PLA2G2E: variants seen among roughly 807,000 people sequenced by gnomAD.
PLA2G2E encodes the protein phospholipase A2 group IIE, also known as group IIE secretory phospholipase A2.
A neutral mutation model predicts 16.5 loss-of-function variants in PLA2G2E; 14 were observed. The ratio of observed to expected loss-of-function variants is 0.85; its 90% CI spans 0.56 to 1.33. The LOEUF is 1.33. Among genes scored for constraint, PLA2G2E ranks in the 40% most tolerant of loss-of-function variants. PLA2G2E has a pLI of 0.00. For missense variants in PLA2G2E, 174 were observed against 190.7 expected, an observed-to-expected ratio of 0.91 and a Z score of 0.52; for synonymous variants, 72 against 77.2, an observed-to-expected ratio of 0.93 and a Z score of 0.36.
In PLA2G2E at chr1:19,923,381, G is replaced by T. The variant is rs80339872; in HGVS notation, c.40+139C>A. 2,175 of 724,556 alleles carry T rather than the reference G, an allele frequency of 3.0e-3. 46 individuals are homozygous for T. In the African/African-American group the frequency reaches 0.036, roughly 12 times the overall value. The allele number at this position is 724,556 out of a possible 1,614,324, so 44.9% of individuals were successfully genotyped here. On this transcript the variant is annotated intron_variant, in intron 1 of 3. Coordinates refer to ENST00000375116, the MANE Select transcript of PLA2G2E (RefSeq NM_014589.3). ...TGGCTCAGGCAAAACTGGCCTCAGG[G>T]TCACCCTGGTGGCAGGAAGGGGGCA...
intron 1 of PLA2G2E, 84 bp from the exon 2 acceptor site, chr1:19,922,839 C>T (rs1338642544): frequency 6.6e-7 from 1 of 1,513,178 alleles, no homozygotes; most frequent in Non-Finnish European, 9.0e-7. Flanking sequence ...AATCTGATCA[C>T]AGGCATCTCT....
At chr1:19,921,933 G>T (rs1194685166) in intron 3 of PLA2G2E, among the ~76,000 whole-genome samples, 1 of 152,350 alleles carries the variant, frequency 6.6e-6, no homozygotes, top group Admixed American at 6.5e-5. Flanking sequence ...CGTTCTGTCC[G>T]AAGGACTTCA....
chr1:19,922,474 C>T (rs1309345434), intron 2 of PLA2G2E, 70 bp from the exon 3 acceptor site: 5 of 1,537,634 alleles, frequency 3.3e-6, no homozygotes, highest in Non-Finnish European at 4.4e-6. Flanking sequence ...CTGCTCGGGG[C>T]CCCCGAGCCC....
At position 19,920,612 on chromosome 1, in the gene PLA2G2E, C is replaced by A. The variant is rs1036574417; in HGVS notation, c.287-163G>T. On this transcript the variant is annotated intron_variant, in intron 3 of 3. Coordinates refer to ENST00000375116, the MANE Select transcript of PLA2G2E (RefSeq NM_014589.3). This position sits in a 1 kb window ranked among gnomAD's most constrained non-coding sequence, Gnocchi z 4.3. ...GGATGGGTGAGACAAGAGACAAGGGCGGGGCGCACTGTGGCTCAGGACACC... is the reference window on the plus strand; with the variant it reads ...GGATGGGTGAGACAAGAGACAAGGGAGGGGCGCACTGTGGCTCAGGACACC... 6.6e-6 allele frequency among the ~76,000 whole-genome samples: 1 copy of A among 152,154 alleles called. No homozygotes were observed. The highest frequency in any genetic ancestry group is 1.5e-5 in the Non-Finnish European group (1 of 68,022).
intron 1 of PLA2G2E, 130 bp from the exon 2 acceptor site, chr1:19,922,885 C>G: frequency 1.0e-6 from 1 of 970,234 alleles, no homozygotes; most frequent in East Asian, 2.6e-5. Context: ...CCCAAAGCAA[C>G]CCACTCTCAA....
Position 19,922,837 on chromosome 1 carries a change from C to A in PLA2G2E, c.41-82G>T, listed in dbSNP as rs2045827411. ...CCCCTGATGTCCCCTCAAATCTGAT[C>A]ACAGGCATCTCTCCAGTTGTCCAGT... On this transcript the variant is annotated intron_variant, in intron 1 of 3. Coordinates refer to ENST00000375116, the MANE Select transcript of PLA2G2E (RefSeq NM_014589.3). 2.6e-6 allele frequency: 4 copies of A among 1,519,212 alleles called. No individual in the cohort carries two copies. In the Middle Eastern group the frequency reaches 7.0e-4, roughly 266 times the overall value. The allele number at this position is 1,519,212 out of a possible 1,614,324, so 94.1% of individuals were successfully genotyped here. A position where few individuals can be genotyped will look rare whatever the true frequency, so the allele number is the denominator to read the frequency against.
At chr1:19,923,458 C>A in intron 1 of PLA2G2E, 62 bp downstream of exon 1, 1 of 1,402,916 alleles carries the variant, frequency 7.1e-7, no homozygotes, top group Non-Finnish European at 9.8e-7. Context: ...GGCTCAGGGG[C>A]ATCCAGGGAG....
rs1453014832 is a variant in PLA2G2E at position 19,922,639 on chromosome 1, A to C, written c.157T>G (p.Trp53Gly). 5 of 1,613,874 alleles carry C rather than the reference A, an allele frequency of 3.1e-6. No homozygotes were observed. In the South Asian group the frequency reaches 4.4e-5, roughly 14 times the overall value. ...CACCAGTCAGTCTGGTCCACCGGCC[A>C]GTGGGAGCCACCGATGCCGCAGTAA... ...GCYCGIGGSH[W>G]PVDQTDWCCH... The change falls in exon 2 of 4, where the codon TGG (tryptophan) becomes GGG (glycine). Residue 53 changes from tryptophan (W) to glycine (G), a missense_variant. Physicochemically the swap from Trp to Gly is radical, Grantham distance 184. Coordinates refer to ENST00000375116, the MANE Select transcript of PLA2G2E (RefSeq NM_014589.3).
rs766967409 is a variant in PLA2G2E at position 19,922,804 on chromosome 1, G to C, written c.41-49C>G. On this transcript the variant is annotated intron_variant, in intron 1 of 3. Coordinates refer to ENST00000375116, the MANE Select transcript of PLA2G2E (RefSeq NM_014589.3). ...GAGAGGGAGGGCCCCACCCTCTGCAGCCAACTTCCCCTGATGTCCCCTCAA... is the reference window on the plus strand; with the variant it reads ...GAGAGGGAGGGCCCCACCCTCTGCACCCAACTTCCCCTGATGTCCCCTCAA... The C allele has an allele frequency of 2.5e-6, 4 of 1,582,758 alleles. No homozygotes were observed. The East Asian group carries it at 8.9e-5, about 35-fold the overall frequency.
Position 19,920,352 on chromosome 1 carries a change from G to C in PLA2G2E, c.384C>G (p.Ala128=), listed in dbSNP as rs145173161. 15 of 1,613,544 alleles carry C rather than the reference G, an allele frequency of 9.3e-6. No individual in the cohort carries two copies. The African/African-American group carries it at 1.6e-4, about 17-fold the overall frequency. Residue 128 remains alanine, a synonymous_variant, in exon 4 of 4, where the codon GCC becomes GCG. Coordinates refer to ENST00000375116, the MANE Select transcript of PLA2G2E (RefSeq NM_014589.3). This position sits in a 1 kb window ranked among gnomAD's most constrained non-coding sequence, Gnocchi z 4.3. ...RNLGTYNRKY[A]HYPNKLCTGP... Reference sequence around the variant, plus strand: ...CGGTGCACAGCTTGTTGGGATAATGGGCATATTTGCGGTTGTAGGTGCCCA... The same window carrying C: ...CGGTGCACAGCTTGTTGGGATAATGCGCATATTTGCGGTTGTAGGTGCCCA...
chr1:19,921,590 T>C (rs1210785964), intron 3 of PLA2G2E, among the ~76,000 whole-genome samples: 1 of 152,220 alleles, frequency 6.6e-6, no homozygotes, highest in African/African-American at 2.4e-5. Flanking sequence ...TGGAGCCAGC[T>C]CTGCCCCGCC....
intron 2 of PLA2G2E, 69 bp downstream of exon 2, chr1:19,922,548 C>T: frequency 6.3e-7 from 1 of 1,587,138 alleles, no homozygotes; most frequent in Non-Finnish European, 8.6e-7. Flanking sequence ...CCTCCTTCTC[C>T]CAGGATCCTC....
At position 19,920,538 on chromosome 1, in the gene PLA2G2E, C is replaced by T. The variant is rs1418513896; in HGVS notation, c.287-89G>A. On this transcript the variant is annotated intron_variant, in intron 3 of 3. Coordinates refer to ENST00000375116, the MANE Select transcript of PLA2G2E (RefSeq NM_014589.3). The surrounding 1 kb of genome is among the most constrained non-coding windows in gnomAD (Gnocchi z 4.3). Reference sequence around the variant, plus strand: ...CTGCTTCTGGGTCCACGTTCTTGACCTGGACCAACTCCATTCTGATGGAAG... The same window carrying T: ...CTGCTTCTGGGTCCACGTTCTTGACTTGGACCAACTCCATTCTGATGGAAG... 8 of 1,321,034 alleles carry T rather than the reference C, an allele frequency of 6.1e-6. No individual in the cohort carries two copies. The highest frequency in any genetic ancestry group is 5.8e-5 in the African/African-American group (4 of 69,234). The allele number at this position is 1,321,034 out of a possible 1,614,324, so 81.8% of individuals were successfully genotyped here. A position where few individuals can be genotyped will look rare whatever the true frequency, so the allele number is the denominator to read the frequency against.
rs981044479 is a variant in PLA2G2E at position 19,923,373 on chromosome 1, G to A, written c.40+147C>T. Reference sequence around the variant, plus strand: ...GCCACCGCTGGCTCAGGCAAAACTGGCCTCAGGGTCACCCTGGTGGCAGGA... The same window carrying A: ...GCCACCGCTGGCTCAGGCAAAACTGACCTCAGGGTCACCCTGGTGGCAGGA... On this transcript the variant is annotated intron_variant, in intron 1 of 3. Transcript: ENST00000375116. The A allele has an allele frequency of 2.1e-5, 14 of 669,164 alleles. No homozygotes were observed. The African/African-American group carries it at 2.2e-4, about 11-fold the overall frequency. 41.5% of individuals were successfully genotyped at this position (669,164 alleles called of 1,614,324 possible). A position where few individuals can be genotyped will look rare whatever the true frequency, so the allele number is the denominator to read the frequency against.
At chr1:19,923,445 C>T in intron 1 of PLA2G2E, 75 bp downstream of exon 1, 1 of 1,312,872 alleles carries the variant, frequency 7.6e-7, no homozygotes, top group Non-Finnish European at 1.1e-6. Flanking sequence ...CTCGGTAGGG[C>T]CAGGCTCAGG....
chr1:19,922,476 C>T, intron 2 of PLA2G2E, 72 bp from the exon 3 acceptor site: 1 of 1,553,168 alleles, frequency 6.4e-7, no homozygotes, highest in South Asian at 1.2e-5. Flanking sequence ...GCTCGGGGCC[C>T]CCGAGCCCAA....
intron 3 of PLA2G2E, among the ~76,000 whole-genome samples, chr1:19,921,910 C>T (rs1378484052): frequency 6.6e-6 from 1 of 152,232 alleles, no homozygotes; most frequent in East Asian, 1.9e-4. Flanking sequence ...TGTCCCCAGT[C>T]AAAGCCCCAG....
Position 19,920,973 on chromosome 1 carries a change from G to A in PLA2G2E, c.287-524C>T, listed in dbSNP as rs2045809465. ...GCCTGTCCTCATCAGAGTGGACAGA[G>A]CCCAGTTTTCTGCCCATACCCAGCC... On this transcript the variant is annotated intron_variant, in intron 3 of 3. Coordinates refer to ENST00000375116, the MANE Select transcript of PLA2G2E (RefSeq NM_014589.3). The surrounding 1 kb of genome is among the most constrained non-coding windows in gnomAD (Gnocchi z 4.3). Among the ~76,000 whole-genome samples, 1 of 152,200 alleles carries A rather than the reference G, an allele frequency of 6.6e-6. No homozygotes were observed. Among genetic ancestry groups the A allele is most frequent in the South Asian group, 2.1e-4 (1 of 4,832 alleles).
intron 3 of PLA2G2E, among the ~76,000 whole-genome samples, chr1:19,921,622 C>T (rs750843879): frequency 1.4e-4 from 22 of 152,224 alleles, no homozygotes; most frequent in Non-Finnish European, 2.2e-4. Flanking sequence ...ATTTAGAGAC[C>T]TGAGTCTGCC....
Sources: gnomAD v4.1 joint callset for allele counts (sites outside exome capture counted in the v4.1 genomes callset) on GRCh38, gnomAD v4.1.1 for gene constraint, Gnocchi (gnomAD v3.1) non-coding constraint, MANE v1.5 for transcripts, NCBI Gene and HGNC (gene_info 2026-07-23, HGNC 2026-07-21) for gene names.